OR10K2: variants seen among roughly 807,000 people sequenced by gnomAD.
The protein encoded by OR10K2 is olfactory receptor 10K2.
For missense variants in OR10K2, 401 were observed against 367.1 expected (o/e 1.09, Z -0.76); for synonymous variants, 169 against 146.4 (o/e 1.15, Z -1.11).
At chr1:158,421,032 T>C (rs1303048681) in intron 1 of OR10K2, 105 bp from the exon 2 acceptor site, 2 of 686,608 alleles carry the variant, frequency 2.9e-6, no homozygotes, top group Non-Finnish European at 4.8e-6. Flanking sequence ...CAAGACATGA[T>C]GTTGCTAAAA....
At chr1:158,425,540 G>C (rs888931566) in intron 1 of OR10K2, among the ~76,000 whole-genome samples, 2 of 152,092 alleles carry the variant, frequency 1.3e-5, no homozygotes, top group South Asian at 2.1e-4. Context: ...GTTCCCAGAG[G>C]GCAGGGTTTC....
intron 1 of OR10K2, among the ~76,000 whole-genome samples, chr1:158,422,902 C>A (rs945255246): frequency 6.6e-6 from 1 of 151,898 alleles, no homozygotes; most frequent in African/African-American, 2.4e-5. Flanking sequence ...TATAGGAGCA[C>A]TCAGGAGACA....
At chr1:158,424,863 A>C (rs1409836081) in intron 1 of OR10K2, among the ~76,000 whole-genome samples, 1 of 151,946 alleles carries the variant, frequency 6.6e-6, no homozygotes, top group Non-Finnish European at 1.5e-5. Flanking sequence ...CAACTTTGCT[A>C]TGTATTAGCT....
Position 158,419,142 on chromosome 1 carries a change from A to G in OR10K2, c.*786T>C, listed in dbSNP as rs751868930. 10 of 154,776 alleles carry G rather than the reference A, an allele frequency of 6.5e-5. No individual in the cohort carries two copies. Among genetic ancestry groups the G allele is most frequent in the Non-Finnish European group, 1.2e-4 (8 of 68,204 alleles). The allele number at this position is 154,776 out of a possible 1,614,324, so 9.6% of individuals were successfully genotyped here. A position where few individuals can be genotyped will look rare whatever the true frequency, so the allele number is the denominator to read the frequency against. On this transcript the variant is annotated 3_prime_UTR_variant, in exon 2 of 2. Transcript: ENST00000641042. ...TCTAACTTGAACATTATTTGGATAT[A>G]TCTTATGCATCAAACATTGTAATGA...
chr1:158,425,225 A>G (rs142535877), intron 1 of OR10K2, among the ~76,000 whole-genome samples: 2 of 152,228 alleles, frequency 1.3e-5, no homozygotes, highest in African/African-American at 4.8e-5. Flanking sequence ...AGCCAGAGTC[A>G]CAGTTACAGC....
At chr1:158,421,006 C>T in intron 1 of OR10K2, 79 bp from the exon 2 acceptor site, 1 of 770,104 alleles carries the variant, frequency 1.3e-6, no homozygotes. Context: ...ATCTTTTCTC[C>T]TCCCTCTTGT....
At position 158,420,421 on chromosome 1, in the gene OR10K2, C is replaced by A; in HGVS notation, c.446G>T (p.Cys149Phe). ...GVCMGLVAAACACGFTVAQII... is the reference protein window; with the variant it reads ...GVCMGLVAAAFACGFTVAQII... ...CTGTGCAACAGTGAAGCCACAGGCA[C>A]AGGCAGCAGCCACTAGTCCCATACA... The change falls in exon 2 of 2, where the codon TGT (cysteine) becomes TTT (phenylalanine). Residue 149 changes from cysteine (C) to phenylalanine (F), a missense_variant. Cys to Phe is a radical substitution (Grantham distance 205). Coordinates refer to ENST00000641042, the MANE Select transcript of OR10K2 (RefSeq NM_001004476.2). 3 of 1,613,900 alleles carry A rather than the reference C, an allele frequency of 1.9e-6. No homozygotes were observed. Among genetic ancestry groups the A allele is most frequent in the Non-Finnish European group, 2.5e-6 (3 of 1,179,916 alleles).
At position 158,420,392 on chromosome 1, in the gene OR10K2, T is replaced by A. The variant is rs754899347; in HGVS notation, c.475A>T (p.Ile159Phe). The change falls in exon 2 of 2, where the codon ATC (isoleucine) becomes TTC (phenylalanine). Residue 159 changes from isoleucine to phenylalanine, a missense_variant. Ile to Phe is a conservative substitution (Grantham distance 21). Transcript: ENST00000641042. ...GGCAGGTGAAATACCAAGGATGTGA[T>A]GATCTGTGCAACAGTGAAGCCACAG... ...CACGFTVAQI[I>F]TSLVFHLPFY... is the part of the protein sequence containing the mutation. 2.5e-6 allele frequency: 4 copies of A among 1,613,876 alleles called. No homozygotes were observed. Among genetic ancestry groups the A allele is most frequent in the South Asian group, 1.1e-5 (1 of 91,086 alleles).
intron 1 of OR10K2, among the ~76,000 whole-genome samples, chr1:158,421,817 T>C (rs1344021879): frequency 2.0e-5 from 3 of 152,180 alleles, no homozygotes; most frequent in Admixed American, 2.0e-4. Flanking sequence ...CAAAAGTCTT[T>C]CCTTTGGGGA....
rs778334763 is a variant in OR10K2 at position 158,420,685 on chromosome 1, A to G, written c.182T>C (p.Phe61Ser). Residue 61 changes from phenylalanine to serine, a missense_variant, in exon 2 of 2, where the codon TTC becomes TCC. Phe to Ser is a radical substitution (Grantham distance 155). Transcript: ENST00000641042. ...AGAGCAAGAGAGGATGGCAAGGAAG[A>G]AGTACATGGGGATATGAAGGGCCCT... The part of the protein sequence containing the change: ...LDRALHIPMY[F>S]FLAILSCSEI... 10 of 1,613,926 alleles carry G rather than the reference A, an allele frequency of 6.2e-6. No homozygotes were observed. The South Asian group carries it at 9.9e-5, about 16-fold the overall frequency.
Position 158,419,789 on chromosome 1 carries a change from T to C in OR10K2, c.*139A>G, listed in dbSNP as rs1655106281. 3 of 647,116 alleles carry C rather than the reference T, an allele frequency of 4.6e-6. No homozygotes were observed. In the South Asian group the frequency reaches 6.1e-5, roughly 13 times the overall value. 40.1% of individuals were successfully genotyped at this position (647,116 alleles called of 1,614,324 possible). A position where few individuals can be genotyped will look rare whatever the true frequency, so the allele number is the denominator to read the frequency against. ...CAGCATCCGGTTAATTTGTATATTT[T>C]TTGGTAGAGATAGGATTTCACTATG... On this transcript the variant is annotated 3_prime_UTR_variant, in exon 2 of 2. Transcript: ENST00000641042.
intron 1 of OR10K2, among the ~76,000 whole-genome samples, chr1:158,422,319 C>T (rs1384371877): frequency 6.6e-6 from 1 of 152,072 alleles, no homozygotes; most frequent in Non-Finnish European, 1.5e-5. Context: ...CTTCTTAGAA[C>T]TCACAGAGTA....
intron 1 of OR10K2, among the ~76,000 whole-genome samples, chr1:158,421,493 T>A (rs1443343489): frequency 6.6e-6 from 1 of 152,070 alleles, no homozygotes; most frequent in Non-Finnish European, 1.5e-5. Flanking sequence ...TGGAAAAAAA[T>A]TATCTTCTTC....
chr1:158,420,169 C>T lies in OR10K2; in HGVS notation c.698G>A (p.Gly233Asp). Residue 233 changes from glycine (G) to aspartate (D), a missense_variant, in exon 2 of 2, where the codon GGT (glycine) becomes GAT (aspartate). Physicochemically the swap from Gly to Asp is moderately conservative, Grantham distance 94 (BLOSUM62 -1). Transcript: ENST00000641042. ...ACAGGTAGAAAAAGCTTTGCACCTA[C>T]CCAGTGTGGAAGGAAACTGAAGTAT... The part of the protein sequence containing the change: ...SAILQFPSTL[G>D]RCKAFSTCVS... 2 of 1,613,606 alleles carry T rather than the reference C, an allele frequency of 1.2e-6. No homozygotes were observed. Among genetic ancestry groups the T allele is most frequent in the Non-Finnish European group, 1.7e-6 (2 of 1,179,850 alleles).
intron 1 of OR10K2, among the ~76,000 whole-genome samples, chr1:158,424,921 G>T (rs1655222944): frequency 1.3e-5 from 2 of 152,026 alleles, no homozygotes; most frequent in Non-Finnish European, 2.9e-5. Flanking sequence ...TTGTAATGCG[G>T]TTCATTCATT....
At chr1:158,425,817 A>C (rs12725721) in intron 1 of OR10K2, 116 bp downstream of exon 1, 3 of 151,832 alleles carry the variant, frequency 2.0e-5, no homozygotes, top group Non-Finnish European at 4.4e-5. Context: ...TTGCAGAAAA[A>C]CACTTTAAAA....
rs1486724205 is a variant in OR10K2 at position 158,420,840 on chromosome 1, C to T, written c.27G>A (p.Val9=). Residue 9 remains valine, a synonymous_variant, in exon 2 of 2, where the codon GTG becomes GTA. Transcript: ENST00000641042. MERVNETV[V]REVIFLGFSS... Reference sequence around the variant, plus strand: ...AGAAGCCGAGGAAGATGACCTCTCTCACCACAGTCTCATTGACCCGCTCCA... The same window carrying T: ...AGAAGCCGAGGAAGATGACCTCTCTTACCACAGTCTCATTGACCCGCTCCA... The T allele has an allele frequency of 6.2e-7, 1 of 1,613,436 alleles. No homozygotes were observed. The highest frequency in any genetic ancestry group is 1.7e-5 in the Admixed American group (1 of 59,870).
Position 158,420,855 on chromosome 1 carries a change from G to C in OR10K2, c.12C>G (p.Val4=), listed in dbSNP as rs142299510. Reference sequence around the variant, plus strand: ...TGACCTCTCTCACCACAGTCTCATTGACCCGCTCCATGGAGCATACATCAT... The same window carrying C: ...TGACCTCTCTCACCACAGTCTCATTCACCCGCTCCATGGAGCATACATCAT... MER[V]NETVVREVIF... The change falls in exon 2 of 2, where the codon GTC becomes GTG. Residue 4 remains valine (V), a synonymous_variant. Coordinates refer to ENST00000641042, the MANE Select transcript of OR10K2 (RefSeq NM_001004476.2). The C allele has an allele frequency of 1.5e-3, 2,384 of 1,613,140 alleles. 35 individuals carry two copies. In the African/African-American group the frequency reaches 0.026, roughly 18 times the overall value.
chr1:158,421,056 C>T (rs1655146979), intron 1 of OR10K2, 129 bp from the exon 2 acceptor site: 2 of 622,448 alleles, frequency 3.2e-6, no homozygotes, highest in South Asian at 4.1e-5. Context: ...GGCAAGCGTT[C>T]ATCAAACTTT....
Sources: gnomAD v4.1 joint callset for allele counts (sites outside exome capture counted in the v4.1 genomes callset) on GRCh38, gnomAD v4.1.1 for gene constraint, MANE v1.5 for transcripts, NCBI Gene and HGNC (gene_info 2026-07-23, HGNC 2026-07-21) for gene names.